ZNF529: variants seen among roughly 807,000 people sequenced by gnomAD.
ZNF529 encodes the protein zinc finger protein 529.
Under a neutral mutation model 10.1 loss-of-function variants are expected in ZNF529, and 11 were observed. The observed-to-expected ratio is 1.09, with a 90% confidence interval of 0.69 to 1.81. ZNF529 has a LOEUF of 1.81. Ranked by LOEUF, ZNF529 falls within the 40% of genes most tolerant of loss-of-function variation. The pLI is 0.00. For missense variants in ZNF529, 624 were observed against 666.8 expected (o/e 0.94, Z 0.71); for synonymous variants, 204 against 215.7 (o/e 0.95, Z 0.47).
chr19:36,602,498 C>T (rs1600379398), intron 1 of ZNF529, among the ~76,000 whole-genome samples: 1 of 151,194 alleles, frequency 6.6e-6, no homozygotes, highest in African/African-American at 2.4e-5. Flanking sequence ...AATCAGTTCA[C>T]AAGCCATACA....
rs145723520 is a variant in ZNF529, at chr19:36,544,470, A to C, written c.*2396T>G. 6.6e-6 allele frequency: 1 copy of C among 152,330 alleles called. No homozygotes were observed. Among genetic ancestry groups the C allele is most frequent in the East Asian group, 1.9e-4 (1 of 5,188 alleles). The allele number at this position is 152,330 out of a possible 1,614,324, so 9.4% of individuals were successfully genotyped here. Reference sequence around the variant, plus strand: ...ATTTGTTTAAGCTGGAAGGAAAAAAACACACACAAAGAAATATAGGACAAG... The same window carrying C: ...ATTTGTTTAAGCTGGAAGGAAAAAACCACACACAAAGAAATATAGGACAAG... On this transcript the variant is annotated 3_prime_UTR_variant, in exon 5 of 5. Coordinates refer to ENST00000591340, the MANE Select transcript of ZNF529 (RefSeq NM_020951.5).
chr19:36,547,645 T>G lies in ZNF529; in HGVS notation c.913A>C (p.Thr305Pro). ...ATACATTTGTAAGTTTTCTCATCAG[T>G]ATGGATTTTCTGATGTCGAGTAAGT... is the stretch of plus-strand genomic sequence containing the variant. ...AQLTRHQKIHTDEKTYKCMEC... is the reference protein window; with the variant it reads ...AQLTRHQKIHPDEKTYKCMEC... The change falls in exon 5 of 5, where the codon ACT (threonine) becomes CCT (proline). Residue 305 changes from threonine to proline, a missense_variant. Thr to Pro is a conservative substitution (Grantham distance 38). Transcript: ENST00000591340. 1 of 1,613,802 alleles carries G rather than the reference T, an allele frequency of 6.2e-7. No homozygotes were observed. The highest frequency in any genetic ancestry group is 1.7e-4 in the Middle Eastern group (1 of 6,060).
At chr19:36,582,707 TAA>T (rs35956828) in intron 2 of ZNF529, 141 of 112,664 alleles carry the variant, frequency 1.3e-3, no homozygotes, top group Admixed American at 1.1e-3. Flanking sequence ...GACTCCATCT[TAA>T]AAAAAAAAAA....
At chr19:36,558,954 T>TA (rs2035580322) in intron 2 of ZNF529, among the ~76,000 whole-genome samples, 1 of 150,258 alleles carries the variant, frequency 6.7e-6, no homozygotes, top group Non-Finnish European at 1.5e-5. Context: ...AAAATCCAAT[T>TA]AAAAAAATAA....
chr19:36,565,632 G>A (rs545597219), intron 2 of ZNF529, among the ~76,000 whole-genome samples: 17 of 152,188 alleles, frequency 1.1e-4, no homozygotes, highest in African/African-American at 3.9e-4. Context: ...CCCCAGAGGC[G>A]GAGGTTGCAG....
chr19:36,549,292 T>A (rs1476981439), intron 4 of ZNF529, among the ~76,000 whole-genome samples: 1 of 152,168 alleles, frequency 6.6e-6, no homozygotes, highest in East Asian at 1.9e-4. Context: ...ACCATTTACT[T>A]CCTTATTCCT....
chr19:36,565,104 G>A (rs994154494), intron 2 of ZNF529, among the ~76,000 whole-genome samples: 10 of 152,154 alleles, frequency 6.6e-5, no homozygotes, highest in African/African-American at 2.2e-4. Flanking sequence ...GGGAGGGAGG[G>A]AGAGAAACAA....
At chr19:36,592,284 C>CAAAAAAAAAAA (rs35717465) in intron 1 of ZNF529, among the ~76,000 whole-genome samples, 1 of 49,848 alleles carries the variant, frequency 2.0e-5, no homozygotes, top group Non-Finnish European at 3.5e-5. Context: ...GACTTTGTCT[C>CAAAAAAAAAAA]AAAAAAAAAA....
At chr19:36,553,546 T>G (rs2035344798) in intron 4 of ZNF529, among the ~76,000 whole-genome samples, 4 of 152,166 alleles carry the variant, frequency 2.6e-5, no homozygotes, top group Admixed American at 1.3e-4. Flanking sequence ...AGGTCCTTGG[T>G]GGAATACTAA....
chr19:36,548,182 T>C lies in ZNF529; in HGVS notation c.376A>G (p.Lys126Glu). Reference sequence around the variant, plus strand: ...GGTCCTTGTAAGTCAATCTTGCTTTTGCTTTGCCAGTCATTTCTGAAAATG... The same window carrying C: ...GGTCCTTGTAAGTCAATCTTGCTTTCGCTTTGCCAGTCATTTCTGAAAATG... ...GSIFRNDWQS[K>E]SKIDLQGPEV... The change falls in exon 5 of 5, where the codon AAA becomes GAA. Residue 126 changes from lysine (K) to glutamate (E), a missense_variant. Physicochemically the swap from Lys to Glu is moderately conservative, Grantham distance 56. Coordinates refer to ENST00000591340, the MANE Select transcript of ZNF529 (RefSeq NM_020951.5). The C allele has an allele frequency of 1.2e-6, 2 of 1,613,926 alleles. No homozygotes were observed. The highest frequency in any genetic ancestry group is 1.7e-6 in the Non-Finnish European group (2 of 1,179,864).
intron 1 of ZNF529, among the ~76,000 whole-genome samples, chr19:36,600,470 T>G (rs2036905797): frequency 6.6e-6 from 1 of 152,240 alleles, no homozygotes; most frequent in Non-Finnish European, 1.5e-5. Context: ...ATATTCCATC[T>G]TATATTTTTT....
Position 36,544,250 on chromosome 19 carries a change from G to A in ZNF529, c.*2616C>T, listed in dbSNP as rs1286531192. 2.0e-5 allele frequency: 3 copies of A among 152,088 alleles called. No individual in the cohort carries two copies. Among genetic ancestry groups the A allele is most frequent in the Non-Finnish European group, 4.4e-5 (3 of 68,020 alleles). 9.4% of individuals were successfully genotyped at this position (152,088 alleles called of 1,614,324 possible). ...GTGTGAAATGCCATAAGTTCATTAC[G>A]AAGTTAAGTGAAAAATGTTAATATG... is the stretch of plus-strand genomic sequence containing the variant. On this transcript the variant is annotated 3_prime_UTR_variant, in exon 5 of 5. Coordinates refer to ENST00000591340, the MANE Select transcript of ZNF529 (RefSeq NM_020951.5).
At chr19:36,588,773 T>C (rs150511485) in intron 2 of ZNF529, among the ~76,000 whole-genome samples, 4 of 152,296 alleles carry the variant, frequency 2.6e-5, no homozygotes, top group African/African-American at 9.6e-5. Flanking sequence ...TTGCCTATTC[T>C]GTGCCTCCAA....
intron 4 of ZNF529, among the ~76,000 whole-genome samples, chr19:36,553,008 G>A (rs1028034127): frequency 2.6e-5 from 4 of 152,314 alleles, no homozygotes; most frequent in African/African-American, 9.6e-5. Flanking sequence ...GCCTACCTCT[G>A]CAATTAAGTG....
chr19:36,587,012 C>A (rs571253379), intron 2 of ZNF529, among the ~76,000 whole-genome samples: 2 of 152,288 alleles, frequency 1.3e-5, no homozygotes, highest in South Asian at 4.1e-4. Context: ...CGCCGGTAAT[C>A]CCAACACTTT....
At chr19:36,556,997 A>C (rs907107996) in intron 2 of ZNF529, among the ~76,000 whole-genome samples, 17 of 152,206 alleles carry the variant, frequency 1.1e-4, no homozygotes, top group African/African-American at 3.9e-4. Context: ...CCAGACAGAA[A>C]CTGAGAGACA....
intron 2 of ZNF529, among the ~76,000 whole-genome samples, chr19:36,561,685 G>A (rs1390080593): frequency 4.6e-5 from 7 of 152,170 alleles, no homozygotes. Context: ...TGCAACATGG[G>A]CCTGGGAGAG....
At chr19:36,556,752 G>A (rs1438030165) in intron 2 of ZNF529, among the ~76,000 whole-genome samples, 1 of 152,168 alleles carries the variant, frequency 6.6e-6, no homozygotes, top group African/African-American at 2.4e-5. Flanking sequence ...AGAGATGCAC[G>A]CCATTGTCCC....
At chr19:36,571,185 T>C (rs1168301626) in intron 2 of ZNF529, among the ~76,000 whole-genome samples, 1 of 152,142 alleles carries the variant, frequency 6.6e-6, no homozygotes, top group East Asian at 1.9e-4. Flanking sequence ...CCCTAAACAC[T>C]GAAAATTTAG....
Sources: allele counts gnomAD v4.1 joint callset (sites outside exome capture counted in the v4.1 genomes callset), GRCh38; gene constraint gnomAD v4.1.1; transcripts MANE v1.5; gene names NCBI Gene and HGNC (gene_info 2026-07-23, HGNC 2026-07-21).